The following THSD7B variants were observed in gnomAD, a reference collection of about 807,000 sequenced individuals.
THSD7B encodes the protein thrombospondin type-1 domain-containing protein 7B.
In THSD7B, 138 loss-of-function variants were observed where a neutral mutation model predicts 213.6. The observed-to-expected ratio is 0.65, with a 90% CI of 0.56 to 0.74. The LOEUF is 0.74. THSD7B is among the 30% of genes least tolerant of loss of function. The pLI, the probability that THSD7B is intolerant of heterozygous loss-of-function variation, is 0.00. For synonymous variants in THSD7B, 742 were observed against 687.0 expected, an observed-to-expected ratio of 1.08 and a Z score of -1.25; for missense variants, 1,931 against 1,991.5, an observed-to-expected ratio of 0.97 and a Z score of 0.58.
chr2:137,399,327 G>A (rs1686295895), intron 12 of THSD7B, among the ~76,000 whole-genome samples: 1 of 151,834 alleles, frequency 6.6e-6, no homozygotes, highest in African/African-American at 2.4e-5. Flanking sequence ...TGAATAGCTG[G>A]GATTACAGGT....
At chr2:137,147,254 G>T (rs972130918) in intron 5 of THSD7B, among the ~76,000 whole-genome samples, 2 of 152,032 alleles carry the variant, frequency 1.3e-5, no homozygotes. Flanking sequence ...GCAGTAAAGG[G>T]GTTATGCATT....
intron 1 of THSD7B, 57 bp from the exon 2 acceptor site, chr2:136,882,087 A>G (rs1683634669): frequency 2.3e-6 from 3 of 1,313,184 alleles, no homozygotes; most frequent in Non-Finnish European, 3.0e-6. Flanking sequence ...AGTCAAAATG[A>G]GTTGTTATCT....
At chr2:137,437,589 A>G (rs75900673) in intron 14 of THSD7B, among the ~76,000 whole-genome samples, 5,642 of 152,270 alleles carry the variant, frequency 0.037, 145 homozygotes, top group Non-Finnish European at 0.052. Context: ...GCAACAGATT[A>G]CAGAAGTCCC....
At position 136,769,581 on chromosome 2, in the gene THSD7B, A is replaced by G. The variant is rs145168957; in HGVS notation, c.-36+3894A>G. Among the ~76,000 whole-genome samples the G allele has an allele frequency of 1.1e-4, 17 of 152,350 alleles. No individual in the cohort carries two copies. The East Asian group carries it at 2.7e-3, about 24-fold the overall frequency. On this transcript the variant is annotated intron_variant, in intron 1 of 27. Coordinates refer to ENST00000409968, the MANE Select transcript of THSD7B (RefSeq NM_001316349.2). ...TGAACAATGAAGTCATCTGGCATCT[A>G]TAAGAACTACTTTAAGTGTGTATAT...
intron 3 of THSD7B, among the ~76,000 whole-genome samples, chr2:137,074,335 T>A (rs1277571684): frequency 6.6e-6 from 1 of 152,182 alleles, no homozygotes. Context: ...TTTACCATTA[T>A]GTAATGGCCT....
chr2:137,521,577 C>A (rs774197558), intron 15 of THSD7B, among the ~76,000 whole-genome samples: 12 of 152,154 alleles, frequency 7.9e-5, no homozygotes, highest in Non-Finnish European at 1.8e-4. Flanking sequence ...CACTGGTGGG[C>A]TTTACTGGTA....
chr2:137,066,948 T>A (rs1299019207), intron 3 of THSD7B, among the ~76,000 whole-genome samples: 1 of 152,094 alleles, frequency 6.6e-6, no homozygotes, highest in East Asian at 1.9e-4. Context: ...GCTCACTGAT[T>A]TCCTAAACTC....
At chr2:137,338,962 G>A (rs1045562368) in intron 12 of THSD7B, among the ~76,000 whole-genome samples, 1 of 152,000 alleles carries the variant, frequency 6.6e-6, no homozygotes, top group Non-Finnish European at 1.5e-5. Context: ...TAATGAATTG[G>A]CTACTTGTAT....
intron 21 of THSD7B, among the ~76,000 whole-genome samples, chr2:137,646,935 G>A (rs1369919022): frequency 6.6e-6 from 1 of 152,076 alleles, no homozygotes; most frequent in Non-Finnish European, 1.5e-5. Context: ...CCTCCAAGTT[G>A]CCCTTTTTCT....
At chr2:137,055,650 A>T (rs1244361228) in intron 2 of THSD7B, among the ~76,000 whole-genome samples, 1 of 152,318 alleles carries the variant, frequency 6.6e-6, no homozygotes, top group South Asian at 2.1e-4. Context: ...AAGATCTGGC[A>T]TATTACAAGC....
chr2:137,387,799 A>C (rs1685928939), intron 12 of THSD7B, among the ~76,000 whole-genome samples: 1 of 152,184 alleles, frequency 6.6e-6, no homozygotes, highest in South Asian at 2.1e-4. Context: ...CCTAACCATT[A>C]CACGTCCCTT....
At chr2:137,407,455 A>G (rs1226514954) in intron 13 of THSD7B, among the ~76,000 whole-genome samples, 3 of 152,186 alleles carry the variant, frequency 2.0e-5, no homozygotes, top group Non-Finnish European at 4.4e-5. Context: ...AAAATAAAAC[A>G]GTAAAATGAA....
intron 12 of THSD7B, among the ~76,000 whole-genome samples, chr2:137,291,317 G>A (rs537099948): frequency 3.9e-5 from 6 of 152,000 alleles, no homozygotes; most frequent in Non-Finnish European, 8.8e-5. Context: ...TATACTTTAT[G>A]TTTAGGAATT....
intron 20 of THSD7B, among the ~76,000 whole-genome samples, chr2:137,625,596 C>T (rs902484039): frequency 6.6e-6 from 1 of 152,220 alleles, no homozygotes; most frequent in Non-Finnish European, 1.5e-5. Flanking sequence ...GACTTCATGT[C>T]CTGGGCATAC....
chr2:136,892,664 C>T (rs922218685), intron 2 of THSD7B, among the ~76,000 whole-genome samples: 2 of 151,824 alleles, frequency 1.3e-5, no homozygotes, highest in African/African-American at 4.8e-5. Flanking sequence ...TTGAATTTTG[C>T]TGTCTGTTTT....
chr2:137,056,889 T>A lies in THSD7B; in HGVS notation c.609T>A (p.Thr203=). Residue 203 remains threonine, a synonymous_variant, in exon 3 of 28, where the codon ACT becomes ACA. Transcript: ENST00000409968. ...KGCGKKLQHR[T]RAVIAPPLFG... is the part of the protein sequence containing the mutation. ...GTGGGAAGAAATTGCAGCATAGAACTCGCGCGGTCATAGCTCCCCCTCTCT... is the reference window on the plus strand; with the variant it reads ...GTGGGAAGAAATTGCAGCATAGAACACGCGCGGTCATAGCTCCCCCTCTCT... 1.2e-6 allele frequency: 2 copies of A among 1,613,916 alleles called. No individual in the cohort carries two copies. The highest frequency in any genetic ancestry group is 1.7e-6 in the Non-Finnish European group (2 of 1,179,876).
intron 17 of THSD7B, among the ~76,000 whole-genome samples, chr2:137,583,443 G>A (rs1248452690): frequency 1.3e-5 from 2 of 152,168 alleles, no homozygotes; most frequent in Non-Finnish European, 2.9e-5. Context: ...TATTGCCTAG[G>A]TTTTCTTCTA....
chr2:136,910,437 T>C (rs1684237762), intron 2 of THSD7B, among the ~76,000 whole-genome samples: 1 of 152,176 alleles, frequency 6.6e-6, no homozygotes. Flanking sequence ...ATAGTCAAGA[T>C]TATAAGTAAG....
intron 6 of THSD7B, among the ~76,000 whole-genome samples, chr2:137,169,286 G>GT (rs70978205): frequency 0.3 from 41,967 of 140,490 alleles, 6,469 homozygotes; most frequent in Non-Finnish European, 0.36. Flanking sequence ...TTTATTTGAG[G>GT]TTTTTTTTTT....
Sources: allele counts gnomAD v4.1 joint callset (sites outside exome capture counted in the v4.1 genomes callset), GRCh38; gene constraint gnomAD v4.1.1; transcripts MANE v1.5; gene names NCBI Gene and HGNC (gene_info 2026-07-23, HGNC 2026-07-21).